SYT16: variants seen among roughly 807,000 people sequenced by gnomAD.
The protein encoded by SYT16 is synaptotagmin-16.
A neutral mutation model predicts 61.4 loss-of-function variants in SYT16; 42 were observed. The ratio of observed to expected loss-of-function variants is 0.68; its 90% CI spans 0.53 to 0.89. The LOEUF (loss-of-function observed/expected upper bound fraction) is 0.89, where lower values mean the gene tolerates loss of function less well. Ranked by LOEUF, SYT16 falls within the 40% of genes least tolerant of loss-of-function variation. SYT16 has a pLI of 0.00. For synonymous variants in SYT16, 314 were observed against 302.3 expected (o/e 1.04, Z -0.40); for missense variants, 804 against 807.3 (o/e 1.00, Z 0.05).
chr14:62,110,076 TTA>T lies in SYT16; in HGVS notation c.*9373_*9374del, dbSNP rs2141042106. 6.6e-6 allele frequency: 1 copy of T among 152,278 alleles called. No individual in the cohort carries two copies. Among genetic ancestry groups the T allele is most frequent in the African/African-American group, 2.4e-5 (1 of 41,570 alleles). The allele number at this position is 152,278 out of a possible 1,614,324, so 9.4% of individuals were successfully genotyped here. ...TATCTGAGAAACATTTTGAGATTATTTATATGTCTTCTGACTGCCCTTTGCTT... is the reference window on the plus strand; with the variant it reads ...TATCTGAGAAACATTTTGAGATTATTTATGTCTTCTGACTGCCCTTTGCTT... On this transcript the variant is annotated 3_prime_UTR_variant, in exon 8 of 8. Coordinates refer to ENST00000683842, the MANE Select transcript of SYT16 (RefSeq NM_001367656.1).
At chr14:62,009,606 C>T (rs75790774) in intron 3 of SYT16, among the ~76,000 whole-genome samples, 6,738 of 152,146 alleles carry the variant, frequency 0.044, 174 homozygotes, top group African/African-American at 0.056. Context: ...TTGGCGGGAT[C>T]CTCCTAGGTT....
intron 3 of SYT16, among the ~76,000 whole-genome samples, chr14:62,051,399 C>T (rs915029445): frequency 8.5e-5 from 13 of 152,332 alleles, no homozygotes; most frequent in African/African-American, 2.6e-4. Context: ...AAAGGGAATT[C>T]CCTGACCCCT....
Position 61,934,629 on chromosome 14 carries a change from C to T in SYT16, c.-324-35503C>T, listed in dbSNP as rs186672224. Among the ~76,000 whole-genome samples the T allele has an allele frequency of 2.0e-5, 3 of 152,282 alleles. No individual in the cohort carries two copies. In the East Asian group the frequency reaches 5.8e-4, roughly 29 times the overall value. ...AGATTTTATTGTGGTGACCCAAAAG[C>T]GTTGGATGCAGCATAGTGGGCAGAG... On this transcript the variant is annotated intron_variant, in intron 1 of 7. Coordinates refer to ENST00000683842, the MANE Select transcript of SYT16 (RefSeq NM_001367656.1).
chr14:61,814,954 C>T (rs2045382957), intron 1 of SYT16, among the ~76,000 whole-genome samples: 2 of 152,172 alleles, frequency 1.3e-5, no homozygotes, highest in Non-Finnish European at 2.9e-5. Flanking sequence ...CTCCCAGATA[C>T]AGAATTCTTT....
At chr14:61,841,720 A>T (rs973716131) in intron 1 of SYT16, among the ~76,000 whole-genome samples, 2 of 152,024 alleles carry the variant, frequency 1.3e-5, no homozygotes, top group African/African-American at 4.8e-5. Flanking sequence ...CTTTATGTTC[A>T]TGTGTGCCAT....
chr14:61,876,052 TTGTG>T (rs1054669011), intron 1 of SYT16, among the ~76,000 whole-genome samples: 2 of 152,064 alleles, frequency 1.3e-5, no homozygotes, highest in Non-Finnish European at 1.5e-5. Flanking sequence ...AGTTGCGTGT[TTGTG>T]TGTGTGCGTG....
chr14:62,077,134 C>T (rs1234703938), intron 5 of SYT16, among the ~76,000 whole-genome samples: 2 of 152,228 alleles, frequency 1.3e-5, no homozygotes, highest in African/African-American at 2.4e-5. Flanking sequence ...CTGTCTTCCC[C>T]TGTGTATCTG....
chr14:61,863,870 A>G (rs1479066544), intron 1 of SYT16, among the ~76,000 whole-genome samples: 1 of 152,150 alleles, frequency 6.6e-6, no homozygotes, highest in Admixed American at 6.5e-5. Flanking sequence ...GGAAAAGATT[A>G]TCTTTGCTCC....
chr14:61,821,631 C>A (rs2045621716), intron 1 of SYT16, among the ~76,000 whole-genome samples: 1 of 152,202 alleles, frequency 6.6e-6, no homozygotes. Context: ...CCAGTATGGC[C>A]TCTTGCTTCA....
In SYT16 at chr14:61,906,794, C is replaced by CATCCATCA. The variant is rs2048738815; in HGVS notation, c.-324-63331_-324-63330insAATCCATC. Reference sequence around the variant, plus strand: ...CCATCCATCCGTCCGTCCGTCCATCCATCCATCCATCCATCCATCCATCCA... The same window carrying CATCCATCA: ...CCATCCATCCGTCCGTCCGTCCATCCATCCATCAATCCATCCATCCATCCATCCATCCA... On this transcript the variant is annotated intron_variant, in intron 1 of 7. Coordinates refer to ENST00000683842, the MANE Select transcript of SYT16 (RefSeq NM_001367656.1). 1.4e-5 allele frequency among the ~76,000 whole-genome samples: 2 copies of CATCCATCA among 140,986 alleles called. 1 individual carries two copies. Among genetic ancestry groups the CATCCATCA allele is most frequent in the South Asian group, 4.5e-4 (2 of 4,402 alleles). The allele number at this position is 140,986 out of a possible 152,430, so 92.5% of individuals were successfully genotyped here. A position where few individuals can be genotyped will look rare whatever the true frequency, so the allele number is the denominator to read the frequency against.
rs1396738247 is a variant in SYT16, at chr14:61,973,487, T to C, written c.-145+3176T>C. Among the ~76,000 whole-genome samples, 5 of 152,304 alleles carry C rather than the reference T, an allele frequency of 3.3e-5. No homozygotes were observed. In the East Asian group the frequency reaches 9.6e-4, roughly 29 times the overall value. On this transcript the variant is annotated intron_variant, in intron 2 of 7. Transcript: ENST00000683842. ...TGTGTTGCTCATTGACAGTGATTGC[T>C]TTGGGGAAGGATGGATATCAGTTGG...
Position 62,081,264 on chromosome 14 carries a change from G to C in SYT16, c.1424G>C (p.Ser475Thr), listed in dbSNP as rs765059878. 8.1e-6 allele frequency: 13 copies of C among 1,613,352 alleles called. No individual in the cohort carries two copies. The highest frequency in any genetic ancestry group is 3.3e-5 in the South Asian group (3 of 90,914). The change falls in exon 6 of 8, where the codon AGT becomes ACT. Residue 475 changes from serine (S) to threonine (T), a missense_variant. Transcript: ENST00000683842. ...MKVTLVLEPR[S>T]NISSGGSPLS... ...GTGACTCTGGTTCTGGAGCCAAGAA[G>C]TAATATAAGCGTGAGTATGTTAAAT...
At chr14:61,959,820 A>C (rs567089448) in intron 1 of SYT16, among the ~76,000 whole-genome samples, 1 of 152,002 alleles carries the variant, frequency 6.6e-6, no homozygotes, top group African/African-American at 2.4e-5. Flanking sequence ...ATGGTGGTGC[A>C]CTACCTTAGT....
At chr14:62,046,022 C>T (rs1214559204) in intron 3 of SYT16, among the ~76,000 whole-genome samples, 3 of 152,174 alleles carry the variant, frequency 2.0e-5, no homozygotes, top group African/African-American at 4.8e-5. Flanking sequence ...CCTGAGGAAT[C>T]GCCACACTGA....
intron 1 of SYT16, among the ~76,000 whole-genome samples, chr14:61,858,120 C>CAAAAAAAAAA (rs34781118): frequency 2.1e-4 from 9 of 43,210 alleles, no homozygotes; most frequent in Non-Finnish European, 2.8e-4. Flanking sequence ...CACAGCTTGG[C>CAAAAAAAAAA]AAAAAAAAAA....
intron 1 of SYT16, among the ~76,000 whole-genome samples, chr14:61,963,592 A>G (rs2051194712): frequency 6.6e-6 from 1 of 152,192 alleles, no homozygotes; most frequent in African/African-American, 2.4e-5. Context: ...GGTTCAAGGA[A>G]AAAAGCCATC....
rs201541781 is a variant in SYT16 at position 61,940,274 on chromosome 14, G to A, written c.-324-29858G>A. 9.2e-5 allele frequency among the ~76,000 whole-genome samples: 14 copies of A among 151,658 alleles called. No homozygotes were observed. In the East Asian group the frequency reaches 2.7e-3, roughly 29 times the overall value. On this transcript the variant is annotated intron_variant, in intron 1 of 7. Coordinates refer to ENST00000683842, the MANE Select transcript of SYT16 (RefSeq NM_001367656.1). ...TTTTCTGTTTCCATCTACTGGCTTA[G>A]GCTGATGCTTAAAGGTCCTCATGTT...
intron 3 of SYT16, among the ~76,000 whole-genome samples, chr14:62,026,299 T>C (rs2140781689): frequency 6.6e-6 from 1 of 152,338 alleles, no homozygotes; most frequent in African/African-American, 2.4e-5. Context: ...TTGCTATAAC[T>C]AAATACTTGA....
At chr14:61,841,773 T>C (rs1047959968) in intron 1 of SYT16, among the ~76,000 whole-genome samples, 7 of 151,992 alleles carry the variant, frequency 4.6e-5, no homozygotes, top group African/African-American at 1.7e-4. Context: ...CAATGTTTGA[T>C]TTTTTTTGCT....
Sources: allele counts gnomAD v4.1 joint callset (sites outside exome capture counted in the v4.1 genomes callset), GRCh38; gene constraint gnomAD v4.1.1; transcripts MANE v1.5; gene names NCBI Gene and HGNC (gene_info 2026-07-23, HGNC 2026-07-21).